Variants in USP25 observed in about 807,000 individuals in gnomAD.
The protein encoded by USP25 is ubiquitin specific peptidase 25.
Under a neutral mutation model 158.5 loss-of-function variants are expected in USP25, and 85 were observed. That is an observed-to-expected ratio of 0.54 (90% CI 0.45 to 0.64). The LOEUF (loss-of-function observed/expected upper bound fraction) is 0.64, where lower values mean the gene tolerates loss of function less well. Among genes scored for constraint, USP25 ranks in the 30% least tolerant of loss-of-function variants. USP25 has a pLI of 0.00. For missense variants in USP25, 1,242 were observed against 1,327.3 expected (o/e 0.94, Z 1.00); for synonymous variants, 464 against 460.4 (o/e 1.01, Z -0.10).
intron 20 of USP25, among the ~76,000 whole-genome samples, chr21:15,860,719 A>T (rs1455271773): frequency 6.6e-6 from 1 of 152,072 alleles, no homozygotes; most frequent in Admixed American, 6.6e-5. Flanking sequence ...AAAATAGCCC[A>T]TAAGCATTTT....
rs1219595922 is a variant in USP25 at position 15,799,666 on chromosome 21, T to A, written c.556-91T>A. The A allele has an allele frequency of 3.9e-6, 3 of 777,320 alleles. No individual in the cohort carries two copies. In the East Asian group the frequency reaches 7.9e-5, roughly 21 times the overall value. 48.2% of individuals were successfully genotyped at this position (777,320 alleles called of 1,614,324 possible). ...GATTCTGAGTATAAGTAGTACACAG[T>A]TGTAAAAAATAAACCTCCAAGACTA... On this transcript the variant is annotated intron_variant, in intron 5 of 25. Transcript: ENST00000400183.
chr21:15,781,038 T>C (rs543380150), intron 4 of USP25, among the ~76,000 whole-genome samples: 1 of 152,332 alleles, frequency 6.6e-6, no homozygotes, highest in African/African-American at 2.4e-5. Context: ...TTTCCTGGGC[T>C]ACAAGGTTGT....
chr21:15,813,685 G>A (rs909284529), intron 9 of USP25, among the ~76,000 whole-genome samples: 1 of 151,890 alleles, frequency 6.6e-6, no homozygotes, highest in African/African-American at 2.4e-5. Flanking sequence ...AATTAAAAAC[G>A]TTATCCCCTC....
rs748732727 is a variant in USP25, at chr21:15,730,976, G to GTTTTTTTTTTTTTTT, written c.45+549_45+563dup. ...TTTCCCTTTCTTCTTCTTCTTTTCT[G>GTTTTTTTTTTTTTTT]TTTTTTTTTTTTTTTTTTTTTTTTT... On this transcript the variant is annotated intron_variant, in intron 1 of 25. Transcript: ENST00000400183. Among the ~76,000 whole-genome samples, 5 of 53,646 alleles carry GTTTTTTTTTTTTTTT rather than the reference G, an allele frequency of 9.3e-5. 1 individual carries two copies. Among genetic ancestry groups the GTTTTTTTTTTTTTTT allele is most frequent in the East Asian group, 6.6e-4 (1 of 1,510 alleles). The allele number at this position is 53,646 out of a possible 152,430, so 35.2% of individuals were successfully genotyped here.
Position 15,878,670 on chromosome 21 carries a change from A to G in USP25, c.*195A>G, listed in dbSNP as rs1209277926. ...GCTGAAAATCGCATGGCGCTCAGAC[A>G]TTTTAACCGGAACTGATGTATAATC... On this transcript the variant is annotated 3_prime_UTR_variant, in exon 26 of 26. Transcript: ENST00000400183. 4 of 474,646 alleles carry G rather than the reference A, an allele frequency of 8.4e-6. No homozygotes were observed. The highest frequency in any genetic ancestry group is 8.0e-5 in the African/African-American group (4 of 49,940). The allele number at this position is 474,646 out of a possible 1,614,324, so 29.4% of individuals were successfully genotyped here.
chr21:15,811,065 A>G, intron 8 of USP25, 72 bp from the exon 9 acceptor site: 1 of 1,323,620 alleles, frequency 7.6e-7, no homozygotes, highest in East Asian at 2.3e-5. Flanking sequence ...CATATGTTAT[A>G]GTTCTTTAAT....
intron 6 of USP25, among the ~76,000 whole-genome samples, chr21:15,802,000 T>C (rs9974370): frequency 6.6e-6 from 1 of 151,460 alleles, no homozygotes; most frequent in African/African-American, 2.4e-5. Context: ...TCCCTGGAAA[T>C]ATAATAATAG....
At chr21:15,833,201 C>CTAAGCAATAGTAATTCTTAAG in intron 16 of USP25, 147 bp from the exon 17 acceptor site, 1 of 671,700 alleles carries the variant, frequency 1.5e-6, no homozygotes, top group East Asian at 2.9e-5. Flanking sequence ...TAATTATTTG[C>CTAAGCAATAGTAATTCTTAAG]TAAGCAATAG....
intron 5 of USP25, among the ~76,000 whole-genome samples, chr21:15,795,936 A>G (rs2035840952): frequency 6.6e-6 from 1 of 151,334 alleles, no homozygotes; most frequent in Non-Finnish European, 1.5e-5. Flanking sequence ...TCTCCACTGT[A>G]GGCAGTTTAT....
intron 2 of USP25, among the ~76,000 whole-genome samples, chr21:15,763,315 A>G (rs1169064252): frequency 1.3e-5 from 2 of 152,166 alleles, no homozygotes; most frequent in East Asian, 1.9e-4. Flanking sequence ...GGTGTATTAG[A>G]GGATGAGGTG....
At chr21:15,865,178 A>C (rs28691102) in intron 21 of USP25, among the ~76,000 whole-genome samples, 4,171 of 152,218 alleles carry the variant, frequency 0.027, 200 homozygotes, top group African/African-American at 0.093. Flanking sequence ...TAAACTACTA[A>C]TGTTAAAAAT....
In USP25 at chr21:15,842,418, G is replaced by C; in HGVS notation, c.2215G>C (p.Glu739Gln). Residue 739 changes from glutamate (E) to glutamine (Q), a missense_variant, in exon 18 of 26, where the codon GAA (glutamate) becomes CAA (glutamine). Coordinates refer to ENST00000400183, the MANE Select transcript of USP25 (RefSeq NM_001283041.3). Reference protein sequence around the residue: ...VTTAQAAGDPEYLEQPSRSDF... With the variant: ...VTTAQAAGDPQYLEQPSRSDF... The stretch of plus-strand genomic sequence containing the variant: ...TGAAGCACAAGCAGCAGGAGACCCA[G>C]AATATCTAGAGCAGCCATCAAGAAG... The C allele has an allele frequency of 6.2e-7, 1 of 1,613,510 alleles. No homozygotes were observed. Among genetic ancestry groups the C allele is most frequent in the South Asian group, 1.1e-5 (1 of 91,066 alleles).
In USP25 at chr21:15,860,973, T is replaced by TAGAGAG. The variant is rs376765181; in HGVS notation, c.2548-3294_2548-3293insGAGAGA. On this transcript the variant is annotated intron_variant, in intron 20 of 25. Coordinates refer to ENST00000400183, the MANE Select transcript of USP25 (RefSeq NM_001283041.3). ...ATCTTCATATATATATATATATATA[T>TAGAGAG]ATAGAGAGAGAGAGAGAGAGAGTTT... Among the ~76,000 whole-genome samples the TAGAGAG allele has an allele frequency of 9.1e-3, 1,300 of 142,430 alleles. 8 individuals carry two copies. The highest frequency in any genetic ancestry group is 0.028 in the East Asian group (136 of 4,926). The allele number at this position is 142,430 out of a possible 152,430, so 93.4% of individuals were successfully genotyped here.
chr21:15,776,107 A>G (rs572516958), intron 3 of USP25, among the ~76,000 whole-genome samples: 118 of 152,230 alleles, frequency 7.8e-4, no homozygotes, highest in African/African-American at 2.7e-3. Context: ...TCACTGCTTC[A>G]TCAGTGTTTA....
At chr21:15,759,490 C>T (rs1391067962) in intron 1 of USP25, among the ~76,000 whole-genome samples, 5 of 152,146 alleles carry the variant, frequency 3.3e-5, no homozygotes, top group African/African-American at 1.2e-4. Flanking sequence ...TTGGTTCAAT[C>T]TGGAAGGGAG....
rs761249353 is a variant in USP25, at chr21:15,827,859, CTATTT to C, written c.1693+658_1693+662del. On this transcript the variant is annotated intron_variant, in intron 14 of 25. Coordinates refer to ENST00000400183, the MANE Select transcript of USP25 (RefSeq NM_001283041.3). ...GAACTCTCTTTTATTCTTTTCTATT[CTATTT>C]TTTCTTTTTTTTCAGAATAAGTTAT... 9.4e-5 allele frequency among the ~76,000 whole-genome samples: 14 copies of C among 148,564 alleles called. 1 individual carries two copies. The highest frequency in any genetic ancestry group is 1.5e-4 in the African/African-American group (6 of 40,062).
chr21:15,792,981 A>T (rs2823496), intron 5 of USP25, among the ~76,000 whole-genome samples: 30,439 of 151,450 alleles, frequency 0.2, 4,775 homozygotes, highest in African/African-American at 0.44. Flanking sequence ...TACCTTAGAG[A>T]TTCTTAGATC....
chr21:15,765,914 G>T, intron 2 of USP25, 83 bp from the exon 3 acceptor site: 1 of 1,403,344 alleles, frequency 7.1e-7, no homozygotes. Flanking sequence ...TTGTTCTAGA[G>T]AGTTATGGAG....
chr21:15,749,025 AT>A (rs912243624), intron 1 of USP25, among the ~76,000 whole-genome samples: 14 of 149,910 alleles, frequency 9.3e-5, no homozygotes, highest in East Asian at 2.0e-4. Context: ...TTTTTTTTTA[AT>A]TTTTTTTTCT....
Sources: allele counts gnomAD v4.1 joint callset (sites outside exome capture counted in the v4.1 genomes callset), GRCh38; gene constraint gnomAD v4.1.1; transcripts MANE v1.5; gene names NCBI Gene and HGNC (gene_info 2026-07-23, HGNC 2026-07-21).